Variants in MTM1 observed in about 807,000 individuals in gnomAD.
MTM1 encodes myotubularin 1, also known as myotubularin.
A neutral mutation model predicts 52.1 loss-of-function variants in MTM1; 9 were observed. That is an observed-to-expected ratio of 0.17 (90% CI 0.10 to 0.30). The LOEUF is 0.30. Ranked by LOEUF, MTM1 falls within the 10% of genes least tolerant of loss-of-function variation. The pLI is 1.00. For missense variants in MTM1, 277 were observed against 470.7 expected (o/e 0.59, Z 3.81); for synonymous variants, 136 against 163.8 (o/e 0.83, Z 1.29).
At chrX:150,658,407 A>G (rs1011272927) in intron 11 of MTM1, among the ~76,000 whole-genome samples, 16 of 111,772 alleles carry the variant, frequency 1.4e-4, no homozygotes, top group South Asian at 3.8e-4. Flanking sequence ...AGAGATGAAT[A>G]AGTTCAAAAG....
At chrX:150,626,996 G>C (rs782337933) in intron 6 of MTM1, among the ~76,000 whole-genome samples, 2 of 110,941 alleles carry the variant, frequency 1.8e-5, no homozygotes, top group Non-Finnish European at 3.8e-5. Context: ...CTCCCTCTCA[G>C]CCTTGAAATG....
chrX:150,584,215 A>G (rs1207985662), intron 1 of MTM1, among the ~76,000 whole-genome samples: 4 of 107,155 alleles, frequency 3.7e-5, no homozygotes. Flanking sequence ...AGGAGAATGG[A>G]AAAACCAAGT....
intron 1 of MTM1, among the ~76,000 whole-genome samples, chrX:150,590,267 G>T (rs1344686012): frequency 3.6e-5 from 4 of 112,044 alleles, no homozygotes; most frequent in African/African-American, 1.3e-4. Flanking sequence ...CTGGACCTTT[G>T]GATTTCTCGG....
intron 1 of MTM1, among the ~76,000 whole-genome samples, chrX:150,581,069 G>A (rs1557411867): frequency 1.8e-5 from 2 of 111,225 alleles, no homozygotes; most frequent in South Asian, 3.8e-4. Context: ...AAATATCCTC[G>A]CACCTTTAAA....
intron 4 of MTM1, among the ~76,000 whole-genome samples, chrX:150,607,336 A>G (rs1257314792): frequency 9.0e-6 from 1 of 111,113 alleles, no homozygotes; most frequent in Non-Finnish European, 1.9e-5. Flanking sequence ...TCCTGCTACC[A>G]CTGATACTAT....
At chrX:150,591,426 C>G (rs900586420) in intron 1 of MTM1, among the ~76,000 whole-genome samples, 1 of 112,684 alleles carries the variant, frequency 8.9e-6, no homozygotes, top group Non-Finnish European at 1.9e-5. Flanking sequence ...GTTGAACTCT[C>G]ACGGGGGAAT....
chrX:150,585,115 G>C (rs1013333344), intron 1 of MTM1, among the ~76,000 whole-genome samples: 5 of 110,080 alleles, frequency 4.5e-5, no homozygotes, highest in African/African-American at 9.9e-5. Flanking sequence ...ATGTGTGTGT[G>C]GGGGGAGGTC....
At chrX:150,569,855 A>G (rs1279699320) in intron 1 of MTM1, among the ~76,000 whole-genome samples, 1 of 111,989 alleles carries the variant, frequency 8.9e-6, no homozygotes, top group African/African-American at 3.3e-5. Flanking sequence ...CATCCAACAT[A>G]TATATTGGGC....
At chrX:150,574,258 G>A (rs782266623) in intron 1 of MTM1, among the ~76,000 whole-genome samples, 25 of 111,146 alleles carry the variant, frequency 2.2e-4, no homozygotes, top group Admixed American at 2.2e-3. Flanking sequence ...TTCCCATTAC[G>A]CCTATGGCAT....
intron 4 of MTM1, among the ~76,000 whole-genome samples, chrX:150,611,745 C>T (rs1353149164): frequency 3.6e-5 from 4 of 112,020 alleles, no homozygotes; most frequent in Non-Finnish European, 7.5e-5. Flanking sequence ...TGGAACTGTT[C>T]TGTCACCACA....
chrX:150,670,251 C>T (rs187507150), intron 14 of MTM1, among the ~76,000 whole-genome samples: 1 of 112,463 alleles, frequency 8.9e-6, no homozygotes, highest in Admixed American at 9.4e-5. Context: ...ACGTTATGCT[C>T]CAGCCTGACT....
chrX:150,595,947 T>G (rs1159826149), intron 2 of MTM1, among the ~76,000 whole-genome samples: 2 of 112,301 alleles, frequency 1.8e-5, no homozygotes, highest in African/African-American at 6.5e-5. Flanking sequence ...CTCTTACCTC[T>G]TATTAGGACA....
At chrX:150,631,774 A>T (rs1450229640) in intron 6 of MTM1, among the ~76,000 whole-genome samples, 1 of 106,887 alleles carries the variant, frequency 9.4e-6, no homozygotes, top group Non-Finnish European at 1.9e-5. Flanking sequence ...TTTGGAATTT[A>T]TTTGGAGTTA....
intron 4 of MTM1, among the ~76,000 whole-genome samples, chrX:150,604,477 A>G (rs904117745): frequency 2.7e-5 from 3 of 110,874 alleles, no homozygotes; most frequent in African/African-American, 9.9e-5. Context: ...CTGGCATCCC[A>G]GACTCATGGT....
chrX:150,655,238 T>C (rs1407128798), intron 10 of MTM1, among the ~76,000 whole-genome samples: 1 of 104,886 alleles, frequency 9.5e-6, no homozygotes, highest in African/African-American at 3.5e-5. Flanking sequence ...GGCAGGAGAA[T>C]GGTGTGAACC....
At chrX:150,571,987 G>A (rs1242213471) in intron 1 of MTM1, among the ~76,000 whole-genome samples, 2 of 112,074 alleles carry the variant, frequency 1.8e-5, no homozygotes, top group African/African-American at 6.5e-5. Context: ...TGAGTACCAC[G>A]ACAGTCTCAT....
At chrX:150,623,491 G>A (rs1569565458) in intron 6 of MTM1, among the ~76,000 whole-genome samples, 1 of 111,234 alleles carries the variant, frequency 9.0e-6, no homozygotes, top group Non-Finnish European at 1.9e-5. Flanking sequence ...AGGAAGCATA[G>A]TTGGTTTAAA....
intron 1 of MTM1, among the ~76,000 whole-genome samples, chrX:150,578,238 G>A (rs1408896688): frequency 1.8e-5 from 2 of 112,042 alleles, no homozygotes; most frequent in East Asian, 5.6e-4. Flanking sequence ...ACTGCAGGTG[G>A]TCTCTAGGAA....
intron 2 of MTM1, among the ~76,000 whole-genome samples, chrX:150,594,171 G>T (rs981257551): frequency 3.7e-5 from 4 of 107,726 alleles, no homozygotes; most frequent in Non-Finnish European, 5.8e-5. Context: ...GTGCAGTGGT[G>T]CAATCCTGGC....
Sources: gnomAD v4.1 joint callset for allele counts (sites outside exome capture counted in the v4.1 genomes callset) on GRCh38, gnomAD v4.1.1 for gene constraint, MANE v1.5 for transcripts, NCBI Gene and HGNC (gene_info 2026-07-23, HGNC 2026-07-21) for gene names.